The following CDYL2 variants were observed in gnomAD, a reference collection of about 807,000 sequenced individuals.
The protein encoded by CDYL2 is chromodomain Y like 2.
CDYL2 carries 23 observed loss-of-function variants against 49.4 expected under a neutral mutation model. The observed-to-expected ratio is 0.47, with a 90% CI of 0.34 to 0.66. The LOEUF is 0.66. Ranked by LOEUF, CDYL2 falls within the 30% of genes least tolerant of loss-of-function variation. The pLI, the probability that CDYL2 is intolerant of heterozygous loss-of-function variation, is 0.01. For synonymous variants in CDYL2, 360 were observed against 268.8 expected (o/e 1.34, Z -3.32); for missense variants, 678 against 656.4 (o/e 1.03, Z -0.36).
rs140095838 is a variant in CDYL2 at position 80,612,673 on chromosome 16, C to T, written c.1171G>A (p.Ala391Thr). Residue 391 changes from alanine (A) to threonine (T), a missense_variant, in exon 5 of 7, where the codon GCT becomes ACT. Ala to Thr is a moderately conservative substitution (Grantham distance 58). Transcript: ENST00000570137. This position sits in a 1 kb window ranked among gnomAD's most constrained non-coding sequence, Gnocchi z 5.0. ...GGGAAGGTGTAGGAGGAGCAGCCAGCAGGCGTGAGGCGGATGGTGGCGTAG... is the reference window on the plus strand; with the variant it reads ...GGGAAGGTGTAGGAGGAGCAGCCAGTAGGCGTGAGGCGGATGGTGGCGTAG... ...TPYATIRLTP[A>T]GCSSYTFPQI... 5 of 1,612,962 alleles carry T rather than the reference C, an allele frequency of 3.1e-6. No homozygotes were observed. Among genetic ancestry groups the T allele is most frequent in the Non-Finnish European group, 8.5e-7 (1 of 1,179,834 alleles).
chr16:80,622,700 C>A lies in CDYL2; in HGVS notation c.835-1765G>T, dbSNP rs539931656. Among the ~76,000 whole-genome samples the A allele has an allele frequency of 3.9e-5, 6 of 152,260 alleles. No individual in the cohort carries two copies. The South Asian group carries it at 1.0e-3, about 26-fold the overall frequency. ...AAATTAGGCAGGCTGCTTGCTCACC[C>A]ACCTAGAAGCTTTTACAAGGCCAAC... On this transcript the variant is annotated intron_variant, in intron 3 of 6. Transcript: ENST00000570137.
intron 1 of CDYL2, among the ~76,000 whole-genome samples, chr16:80,701,697 C>G (rs999257989): frequency 6.6e-6 from 1 of 152,202 alleles, no homozygotes; most frequent in East Asian, 1.9e-4. Flanking sequence ...GGGAAGTCTT[C>G]ACATATTAAA....
At chr16:80,773,438 G>A (rs1906973930) in intron 1 of CDYL2, among the ~76,000 whole-genome samples, 1 of 152,056 alleles carries the variant, frequency 6.6e-6, no homozygotes. Context: ...CAAAAACGCA[G>A]CAAGGTTAAA....
intron 3 of CDYL2, chr16:80,632,711 G>C (rs932076714): frequency 3.5e-5 from 12 of 340,648 alleles, no homozygotes; most frequent in African/African-American, 1.9e-4. Context: ...AGCTGGAAAA[G>C]CCCAAGATGT....
chr16:80,764,765 G>A (rs1047189630), intron 1 of CDYL2, among the ~76,000 whole-genome samples: 1 of 151,968 alleles, frequency 6.6e-6, no homozygotes, highest in African/African-American at 2.4e-5. Flanking sequence ...GGAATAGAAA[G>A]AATTTAGTTC....
intron 1 of CDYL2, among the ~76,000 whole-genome samples, chr16:80,744,059 AAC>A (rs1905842995): frequency 6.6e-6 from 1 of 151,908 alleles, no homozygotes; most frequent in South Asian, 2.1e-4. Context: ...ATATGTTCAA[AAC>A]CCCCAGGAAT....
At chr16:80,761,783 A>T (rs954918700) in intron 1 of CDYL2, among the ~76,000 whole-genome samples, 5 of 152,136 alleles carry the variant, frequency 3.3e-5, no homozygotes, top group African/African-American at 1.2e-4. Context: ...ATACAAAAGA[A>T]GATGCTGGGA....
intron 5 of CDYL2, among the ~76,000 whole-genome samples, chr16:80,609,326 T>C (rs1166095534): frequency 1.3e-5 from 2 of 152,160 alleles, no homozygotes; most frequent in East Asian, 3.9e-4. Flanking sequence ...CTCTCCTGCC[T>C]CTACATGCTA....
At chr16:80,675,188 T>C (rs974351582) in intron 2 of CDYL2, among the ~76,000 whole-genome samples, 10 of 152,304 alleles carry the variant, frequency 6.6e-5, no homozygotes, top group African/African-American at 2.4e-4. Flanking sequence ...TCAACCTGAA[T>C]CCCTGAAGTA....
chr16:80,772,366 A>C (rs758965686), intron 1 of CDYL2, among the ~76,000 whole-genome samples: 3 of 152,240 alleles, frequency 2.0e-5, no homozygotes, highest in Non-Finnish European at 4.4e-5. Flanking sequence ...TAAAACACTC[A>C]AAAACAACAG....
intron 1 of CDYL2, among the ~76,000 whole-genome samples, chr16:80,685,724 C>T (rs1910163114): frequency 6.6e-6 from 1 of 152,142 alleles, no homozygotes; most frequent in South Asian, 2.1e-4. Context: ...TTTTCTATCC[C>T]CAATTTACAG....
At chr16:80,672,743 A>C (rs967849517) in intron 2 of CDYL2, among the ~76,000 whole-genome samples, 5 of 152,182 alleles carry the variant, frequency 3.3e-5, no homozygotes, top group African/African-American at 1.2e-4. Context: ...CCAGGGATAA[A>C]AAGACAACCT....
At chr16:80,658,725 C>T (rs373623610) in intron 2 of CDYL2, among the ~76,000 whole-genome samples, 49 of 152,088 alleles carry the variant, frequency 3.2e-4, no homozygotes, top group African/African-American at 1.2e-3. Flanking sequence ...AGAAATGAAA[C>T]CCAAATAGCA....
chr16:80,647,908 A>T (rs1908421210), intron 2 of CDYL2, among the ~76,000 whole-genome samples: 1 of 152,174 alleles, frequency 6.6e-6, no homozygotes, highest in South Asian at 2.1e-4. Flanking sequence ...GAAATTAAAC[A>T]ATATGCTACT....
intron 1 of CDYL2, among the ~76,000 whole-genome samples, chr16:80,759,254 C>A (rs1360732118): frequency 6.7e-6 from 1 of 150,306 alleles, no homozygotes; most frequent in Non-Finnish European, 1.5e-5. Context: ...TGGATGTATG[C>A]ATAATTTCTG....
At chr16:80,693,027 A>C (rs1910478232) in intron 1 of CDYL2, among the ~76,000 whole-genome samples, 1 of 151,948 alleles carries the variant, frequency 6.6e-6, no homozygotes, top group Non-Finnish European at 1.5e-5. Context: ...GAAGAAACTC[A>C]CAGGCATTAT....
rs550002329 is a variant in CDYL2 at position 80,743,280 on chromosome 16, C to T, written c.25-58151G>A. On this transcript the variant is annotated intron_variant, in intron 1 of 6. Coordinates refer to ENST00000570137, the MANE Select transcript of CDYL2 (RefSeq NM_152342.4). Reference sequence around the variant, plus strand: ...TAAAACCTTAAATGGTAAGCGCAGACATTGTGAGGGAGCCCTCAAACCAGA... The same window carrying T: ...TAAAACCTTAAATGGTAAGCGCAGATATTGTGAGGGAGCCCTCAAACCAGA... Among the ~76,000 whole-genome samples, 73 of 152,322 alleles carry T rather than the reference C, an allele frequency of 4.8e-4. 1 individual carries two copies. Among genetic ancestry groups the T allele is most frequent in the African/African-American group, 1.5e-3 (64 of 41,576 alleles).
chr16:80,737,744 G>A (rs1164276020), intron 1 of CDYL2, among the ~76,000 whole-genome samples: 2 of 152,222 alleles, frequency 1.3e-5, no homozygotes, highest in Non-Finnish European at 2.9e-5. Context: ...TCTGGGGTAA[G>A]GCTGAGAATC....
At chr16:80,626,673 G>A (rs1168312344) in intron 3 of CDYL2, among the ~76,000 whole-genome samples, 1 of 152,208 alleles carries the variant, frequency 6.6e-6, no homozygotes, top group Non-Finnish European at 1.5e-5. Context: ...GAAGCTTAGA[G>A]GCTAACAGAA....
Sources: allele counts gnomAD v4.1 joint callset (sites outside exome capture counted in the v4.1 genomes callset), GRCh38; gene constraint gnomAD v4.1.1; non-coding constraint Gnocchi (gnomAD v3.1); transcripts MANE v1.5; gene names NCBI Gene and HGNC (gene_info 2026-07-23, HGNC 2026-07-21).